Variants in NTN1 observed in about 807,000 individuals in gnomAD.
The protein encoded by NTN1 is netrin-1.
A neutral mutation model predicts 54.2 loss-of-function variants in NTN1; 11 were observed. The observed-to-expected ratio is 0.20, with a 90% confidence interval of 0.13 to 0.34. NTN1 has a LOEUF of 0.34. Among genes scored for constraint, NTN1 ranks in the 10% least tolerant of loss-of-function variants. The pLI is 1.00. For synonymous variants in NTN1, 371 were observed against 382.0 expected (o/e 0.97, Z 0.33); for missense variants, 740 against 893.1 (o/e 0.83, Z 2.18).
chr17:9,008,973 G>A, the NTN1 span, among the ~76,000 whole-genome samples: 4 of 152,214 alleles, frequency 2.6e-5, no homozygotes, highest in South Asian at 2.1e-4. Flanking sequence ...CCCAGGAGGC[G>A]GAGGTTGCAG....
chr17:9,022,931 C>A lies in NTN1; in HGVS notation c.558C>A (p.Asn186Lys). 6.2e-7 allele frequency: 1 copy of A among 1,611,896 alleles called. No individual in the cohort carries two copies. Among genetic ancestry groups the A allele is most frequent in the Non-Finnish European group, 8.5e-7 (1 of 1,179,774 alleles). ...CCACGCAGTGCCGCAAGATGTACAA[C>A]CGGCCGCACCGCGCGCCCATCACCA... ...FYSTQCRKMY[N>K]RPHRAPITKQ... The change falls in exon 2 of 7, where the codon AAC (asparagine) becomes AAA (lysine). Residue 186 changes from asparagine to lysine, a missense_variant. Physicochemically the swap from Asn to Lys is moderately conservative, Grantham distance 94. Transcript: ENST00000173229.
intron 2 of NTN1, among the ~76,000 whole-genome samples, chr17:9,107,444 T>G (rs1451446470): frequency 6.6e-6 from 1 of 152,186 alleles, no homozygotes; most frequent in Admixed American, 6.5e-5. Context: ...TATGACTGTT[T>G]CCAGATTATA....
chr17:9,225,714 G>C (rs920390825), intron 6 of NTN1, among the ~76,000 whole-genome samples: 1 of 147,800 alleles, frequency 6.8e-6, no homozygotes, highest in South Asian at 2.1e-4. Flanking sequence ...CCGCCAAACC[G>C]GGCGGGCCAG....
rs2142316452 is a variant in NTN1 at position 9,179,886 on chromosome 17, G to A, written c.1287G>A (p.Val429=). 1 of 1,614,114 alleles carries A rather than the reference G, an allele frequency of 6.2e-7. No individual in the cohort carries two copies. Among genetic ancestry groups the A allele is most frequent in the Non-Finnish European group, 8.5e-7 (1 of 1,180,040 alleles). The change falls in exon 4 of 7, where the codon GTG becomes GTA. Residue 429 remains valine (V), a synonymous_variant. Coordinates refer to ENST00000173229, the MANE Select transcript of NTN1 (RefSeq NM_004822.3). ...TTGQCPCKDG[V]TGITCNRCAK... is the part of the protein sequence containing the mutation. ...GCCAGTGTCCCTGCAAGGACGGCGTGACGGGTATCACCTGCAACCGCTGCG... is the reference window on the plus strand; with the variant it reads ...GCCAGTGTCCCTGCAAGGACGGCGTAACGGGTATCACCTGCAACCGCTGCG...
chr17:9,088,935 T>C (rs1172403332), intron 2 of NTN1, among the ~76,000 whole-genome samples: 1 of 152,144 alleles, frequency 6.6e-6, no homozygotes, highest in East Asian at 1.9e-4. Flanking sequence ...CTGAACTATT[T>C]AAACGGTTGG....
At chr17:9,008,506 A>G in the NTN1 span, among the ~76,000 whole-genome samples, 1 of 151,992 alleles carries the variant, frequency 6.6e-6, no homozygotes, top group East Asian at 1.9e-4. Context: ...TATTTTCAGT[A>G]GAGACAGGGT....
At chr17:9,216,225 G>T (rs1296848238) in intron 5 of NTN1, among the ~76,000 whole-genome samples, 3 of 152,234 alleles carry the variant, frequency 2.0e-5, no homozygotes, top group Non-Finnish European at 4.4e-5. Flanking sequence ...CCCAAGTGCT[G>T]GGATTACAGG....
chr17:9,084,670 G>A (rs1450131147), intron 2 of NTN1, among the ~76,000 whole-genome samples: 4 of 37,264 alleles, frequency 1.1e-4, no homozygotes, highest in Non-Finnish European at 1.9e-4. Context: ...TTTTTTTTTT[G>A]AGATGGAGTC....
intron 5 of NTN1, among the ~76,000 whole-genome samples, chr17:9,195,921 C>G (rs1904621383): frequency 1.3e-5 from 2 of 152,126 alleles, no homozygotes; most frequent in Admixed American, 6.6e-5. Context: ...TACTGGAGAT[C>G]ATGGGTTTTG....
At chr17:9,085,011 A>G (rs553388338) in intron 2 of NTN1, among the ~76,000 whole-genome samples, 11 of 152,362 alleles carry the variant, frequency 7.2e-5, no homozygotes, top group Admixed American at 5.2e-4. Flanking sequence ...TAGAGCCAGC[A>G]GCTTCATGCA....
intron 2 of NTN1, among the ~76,000 whole-genome samples, chr17:9,029,314 T>G (rs1035559427): frequency 6.6e-6 from 1 of 152,212 alleles, no homozygotes; most frequent in Non-Finnish European, 1.5e-5. Context: ...CAAAGACAGA[T>G]GTCCTGGCCA....
intron 2 of NTN1, among the ~76,000 whole-genome samples, chr17:9,153,479 A>T (rs2142290950): frequency 6.6e-6 from 1 of 152,234 alleles, no homozygotes; most frequent in African/African-American, 2.4e-5. Flanking sequence ...GGGTTGACTC[A>T]GCTCTGTGTG....
intron 5 of NTN1, among the ~76,000 whole-genome samples, chr17:9,204,059 G>T (rs1904888535): frequency 6.6e-6 from 1 of 152,140 alleles, no homozygotes; most frequent in East Asian, 1.9e-4. Context: ...GAAGTCAGGT[G>T]AGGCTCAGCT....
chr17:9,185,560 G>T (rs1187294320), intron 5 of NTN1, among the ~76,000 whole-genome samples: 4 of 152,126 alleles, frequency 2.6e-5, no homozygotes, highest in Admixed American at 2.6e-4. Context: ...GCCGTCATGG[G>T]GCAGGGAGGT....
At chr17:9,041,901 C>T (rs1419683420) in intron 2 of NTN1, among the ~76,000 whole-genome samples, 2 of 151,084 alleles carry the variant, frequency 1.3e-5, no homozygotes, top group Non-Finnish European at 2.9e-5. Context: ...CCCAGCCACT[C>T]GGGAGGCTGA....
chr17:9,055,136 G>A (rs2091974982), intron 2 of NTN1, among the ~76,000 whole-genome samples: 2 of 152,180 alleles, frequency 1.3e-5, no homozygotes, highest in South Asian at 2.1e-4. Context: ...TGCTGTGTGG[G>A]TCCCATCTGA....
intron 2 of NTN1, among the ~76,000 whole-genome samples, chr17:9,037,540 T>G (rs72809944): frequency 0.17 from 25,473 of 152,158 alleles, 2,335 homozygotes; most frequent in African/African-American, 0.2. Flanking sequence ...GACCAAATTT[T>G]CCATTAATTA....
chr17:9,073,685 T>G (rs991064044), intron 2 of NTN1, among the ~76,000 whole-genome samples: 4 of 152,214 alleles, frequency 2.6e-5, no homozygotes, highest in Non-Finnish European at 5.9e-5. Context: ...TTTGCCCTCT[T>G]ACAAGGTCAG....
At chr17:9,185,299 C>T (rs1389026414) in intron 5 of NTN1, among the ~76,000 whole-genome samples, 1 of 152,150 alleles carries the variant, frequency 6.6e-6, no homozygotes. Flanking sequence ...AGGAGGGCCC[C>T]CTGGGAAGCG....
Sources: allele counts gnomAD v4.1 joint callset (sites outside exome capture counted in the v4.1 genomes callset), GRCh38; gene constraint gnomAD v4.1.1; transcripts MANE v1.5; gene names NCBI Gene and HGNC (gene_info 2026-07-23, HGNC 2026-07-21).